Variants in KCNMA1 observed in about 807,000 individuals in gnomAD.
The protein encoded by KCNMA1 is Calcium-activated potassium channel subunit alpha-1.
A neutral mutation model predicts 140.0 loss-of-function variants in KCNMA1; 29 were observed. That is an observed-to-expected ratio of 0.21 (90% CI 0.15 to 0.28). The LOEUF (loss-of-function observed/expected upper bound fraction) is 0.28, where lower values mean the gene tolerates loss of function less well. KCNMA1 is among the 10% of genes least tolerant of loss of function. The pLI is 1.00. For missense variants in KCNMA1, 880 were observed against 1,602.2 expected (o/e 0.55, Z 7.70); for synonymous variants, 612 against 611.9 (o/e 1.00, Z 0.00).
intron 8 of KCNMA1, among the ~76,000 whole-genome samples, chr10:77,109,450 T>C (rs527670123): frequency 2.8e-4 from 42 of 152,248 alleles, no homozygotes; most frequent in Non-Finnish European, 4.6e-4. Context: ...AAAGACAAAA[T>C]GCAGCAACTG....
intron 12 of KCNMA1, 67 bp downstream of exon 12, chr10:77,084,570 T>G: frequency 8.0e-7 from 1 of 1,243,044 alleles, no homozygotes; most frequent in Non-Finnish European, 1.2e-6. Flanking sequence ...CTGCAGAAGA[T>G]CCAAAAGGGC....
intron 2 of KCNMA1, among the ~76,000 whole-genome samples, chr10:77,337,489 GCA>G (rs1009663045): frequency 9.9e-5 from 15 of 152,222 alleles, no homozygotes; most frequent in African/African-American, 3.4e-4. Flanking sequence ...GTGTGGTGCT[GCA>G]CACCTGAAAT....
At chr10:77,415,340 T>A (rs2096717238) in intron 1 of KCNMA1, among the ~76,000 whole-genome samples, 1 of 152,200 alleles carries the variant, frequency 6.6e-6, no homozygotes. Context: ...ATCAGAGCCA[T>A]AGAGACTTTG....
At chr10:77,299,674 G>C (rs1179179404) in intron 2 of KCNMA1, among the ~76,000 whole-genome samples, 1 of 152,160 alleles carries the variant, frequency 6.6e-6, no homozygotes, top group Non-Finnish European at 1.5e-5. Flanking sequence ...AAAACAAAGA[G>C]GGGGAAAGCC....
At chr10:77,397,310 A>G (rs1367904738) in intron 2 of KCNMA1, among the ~76,000 whole-genome samples, 3 of 152,310 alleles carry the variant, frequency 2.0e-5, no homozygotes, top group Non-Finnish European at 4.4e-5. Context: ...TCAGCAAACT[A>G]TGGTGTGTGA....
At chr10:77,180,216 G>A (rs1308810911) in intron 5 of KCNMA1, among the ~76,000 whole-genome samples, 1 of 152,216 alleles carries the variant, frequency 6.6e-6, no homozygotes, top group African/African-American at 2.4e-5. Flanking sequence ...GAGAAGGGCA[G>A]CCATGCCTGA....
At chr10:76,990,594 TC>T (rs2082456582) in intron 19 of KCNMA1, among the ~76,000 whole-genome samples, 2 of 152,304 alleles carry the variant, frequency 1.3e-5, no homozygotes, top group African/African-American at 4.8e-5. Context: ...AGCCCCTTCC[TC>T]CCTGTCTTCA....
chr10:77,255,239 A>T (rs1398147939), intron 2 of KCNMA1, among the ~76,000 whole-genome samples: 1 of 152,216 alleles, frequency 6.6e-6, no homozygotes, highest in African/African-American at 2.4e-5. Context: ...TCTATTTTCA[A>T]AACTCCAAGA....
At chr10:77,310,849 C>T (rs2079069176) in intron 2 of KCNMA1, among the ~76,000 whole-genome samples, 2 of 152,190 alleles carry the variant, frequency 1.3e-5, no homozygotes. Context: ...ACACTTCAGC[C>T]CCACATGAAC....
chr10:77,383,889 C>A (rs1243290010), intron 2 of KCNMA1, among the ~76,000 whole-genome samples: 1 of 152,184 alleles, frequency 6.6e-6, no homozygotes, highest in Non-Finnish European at 1.5e-5. Context: ...ATTTCAGATG[C>A]TCACTGACCA....
At chr10:77,530,425 T>A (rs1002089600) in intron 1 of KCNMA1, among the ~76,000 whole-genome samples, 1 of 152,198 alleles carries the variant, frequency 6.6e-6, no homozygotes, top group Non-Finnish European at 1.5e-5. Flanking sequence ...CAGTAAATCA[T>A]CTCCAAAGTC....
intron 1 of KCNMA1, among the ~76,000 whole-genome samples, chr10:77,628,856 A>G (rs1448159179): frequency 6.6e-6 from 1 of 152,110 alleles, no homozygotes; most frequent in Non-Finnish European, 1.5e-5. Flanking sequence ...AATGACAGCC[A>G]CTAAGGAAAA....
At chr10:76,980,766 T>G (rs1371329648) in intron 19 of KCNMA1, 1 of 152,108 alleles carries the variant, frequency 6.6e-6, no homozygotes, top group Non-Finnish European at 1.5e-5. Context: ...CTGGAACCAG[T>G]GACACTCAAG....
intron 10 of KCNMA1, 61 bp downstream of exon 10, chr10:77,090,339 G>T: frequency 9.1e-7 from 1 of 1,101,732 alleles, no homozygotes. Context: ...CAGACATTCA[G>T]GGAGTCCCTC....
intron 2 of KCNMA1, among the ~76,000 whole-genome samples, chr10:77,367,342 C>A (rs1297103079): frequency 6.6e-6 from 1 of 152,070 alleles, no homozygotes; most frequent in Non-Finnish European, 1.5e-5. Flanking sequence ...TGAATTTTAT[C>A]TTGGAAGAAC....
intron 5 of KCNMA1, among the ~76,000 whole-genome samples, chr10:77,152,153 G>C (rs1564844154): frequency 6.6e-6 from 1 of 152,190 alleles, no homozygotes; most frequent in Non-Finnish European, 1.5e-5. Flanking sequence ...ATTTAGGATA[G>C]CAAGGGGTAC....
At chr10:77,431,993 G>GA (rs144459194) in intron 1 of KCNMA1, among the ~76,000 whole-genome samples, 4,901 of 144,856 alleles carry the variant, frequency 0.034, 117 homozygotes, top group Admixed American at 0.076. Context: ...CTCTATCTCT[G>GA]AAAAAAAAAA....
Position 77,183,545 on chromosome 10 carries a change from A to C in KCNMA1, c.697-13T>G. 1.9e-6 allele frequency: 3 copies of C among 1,550,814 alleles called. No individual in the cohort carries two copies. Among genetic ancestry groups the C allele is most frequent in the Non-Finnish European group, 2.7e-6 (3 of 1,124,216 alleles). On this transcript the variant is annotated splice_polypyrimidine_tract_variant and intron_variant, in intron 4 of 27. Coordinates refer to ENST00000286628, the MANE Select transcript of KCNMA1 (RefSeq NM_001161352.2). The stretch of plus-strand genomic sequence containing the variant: ...TGGCTGCAATAAACTGGGGGAAAGA[A>C]GAAATAAGAAAGAGAAAAAACATGA...
chr10:77,574,023 A>G (rs981399377), intron 1 of KCNMA1, among the ~76,000 whole-genome samples: 1 of 151,764 alleles, frequency 6.6e-6, no homozygotes, highest in African/African-American at 2.4e-5. Flanking sequence ...TTTAGTAGAG[A>G]CAGGGTTTCA....
Sources: gnomAD v4.1 joint callset for allele counts (sites outside exome capture counted in the v4.1 genomes callset) on GRCh38, gnomAD v4.1.1 for gene constraint, MANE v1.5 for transcripts, NCBI Gene and HGNC (gene_info 2026-07-23, HGNC 2026-07-21) for gene names.